The following CUBN variants were observed in gnomAD, a reference collection of about 807,000 sequenced individuals.
The protein encoded by CUBN is cubilin.
In CUBN, 282 loss-of-function variants were observed where a neutral mutation model predicts 405.3. The observed-to-expected ratio is 0.70, with a 90% CI of 0.63 to 0.77. CUBN has a LOEUF of 0.77. CUBN is among the 30% of genes least tolerant of loss of function. The pLI is 0.00. For synonymous variants in CUBN, 1,684 were observed against 1,617.0 expected, an observed-to-expected ratio of 1.04 and a Z score of -0.99; for missense variants, 4,514 against 4,475.2, an observed-to-expected ratio of 1.01 and a Z score of -0.25.
At chr10:17,080,349 G>C (rs930092654) in intron 17 of CUBN, among the ~76,000 whole-genome samples, 2 of 151,948 alleles carry the variant, frequency 1.3e-5, no homozygotes, top group Non-Finnish European at 2.9e-5. Flanking sequence ...GATGAATTAG[G>C]GTTCAACGCC....
rs1209668684 is a variant in CUBN at position 16,869,708 on chromosome 10, T to C, written c.9382A>G (p.Met3128Val). 2.5e-6 allele frequency: 4 copies of C among 1,613,920 alleles called. No individual in the cohort carries two copies. The highest frequency in any genetic ancestry group is 1.1e-5 in the South Asian group (1 of 91,080). ...GAATCTGTCTTGAACACCAGGAGCATACTATTATTGCTGCTCTTCACATTT... is the reference window on the plus strand; with the variant it reads ...GAATCTGTCTTGAACACCAGGAGCACACTATTATTGCTGCTCTTCACATTT... ...PPNVKSSNNS[M>V]LLVFKTDSFQ... Residue 3128 changes from methionine to valine, a missense_variant, in exon 59 of 67, where the codon ATG (methionine) becomes GTG (valine). Physicochemically the swap from Met to Val is conservative, Grantham distance 21. This residue lies in a region of CUBN where 1,186 missense variants were observed against 1,186.9 expected (regional missense o/e 1.00). Transcript: ENST00000377833.
At chr10:17,023,052 C>G (rs1346711510) in intron 27 of CUBN, among the ~76,000 whole-genome samples, 1 of 152,210 alleles carries the variant, frequency 6.6e-6, no homozygotes. Flanking sequence ...CCTGTCAGCT[C>G]TGCAAGATTA....
chr10:16,839,649 T>A (rs780618), intron 62 of CUBN, among the ~76,000 whole-genome samples: 4,682 of 63,398 alleles, frequency 0.074, 381 homozygotes, highest in Middle Eastern at 0.24. Flanking sequence ...ATTGTGGAAG[T>A]CAGTGTGGTG....
chr10:16,962,538 G>T (rs146781575), intron 31 of CUBN, among the ~76,000 whole-genome samples: 1 of 152,096 alleles, frequency 6.6e-6, no homozygotes, highest in African/African-American at 2.4e-5. Context: ...CCTCCCTGGC[G>T]TATGGGATAG....
At chr10:16,957,895 CA>C (rs61261595) in intron 31 of CUBN, among the ~76,000 whole-genome samples, 49,658 of 133,686 alleles carry the variant, frequency 0.37, 8,506 homozygotes, top group East Asian at 0.5. Context: ...ATAGACTTCT[CA>C]AAAAAAAAAA....
chr10:16,896,924 C>A (rs1436957996), intron 54 of CUBN, among the ~76,000 whole-genome samples: 1 of 152,170 alleles, frequency 6.6e-6, no homozygotes, highest in Non-Finnish European at 1.5e-5. Context: ...TGATTCTATT[C>A]TCTGTCATCT....
chr10:17,045,002 C>G lies in CUBN; in HGVS notation c.3672+5G>C. Reference sequence around the variant, plus strand: ...GGAACAATATGATGGAAACATTATACATACAGCCAGGTAATCTAAAGTGCA... The same window carrying G: ...GGAACAATATGATGGAAACATTATAGATACAGCCAGGTAATCTAAAGTGCA... On this transcript the variant is annotated splice_donor_5th_base_variant and intron_variant, in intron 25 of 66. Coordinates refer to ENST00000377833, the MANE Select transcript of CUBN (RefSeq NM_001081.4). 1 of 1,613,378 alleles carries G rather than the reference C, an allele frequency of 6.2e-7. No individual in the cohort carries two copies.
intron 28 of CUBN, among the ~76,000 whole-genome samples, chr10:17,013,065 A>G (rs1834227399): frequency 6.6e-6 from 1 of 152,238 alleles, no homozygotes; most frequent in Non-Finnish European, 1.5e-5. Flanking sequence ...TTGGAGTGTT[A>G]CAGAGTTACA....
intron 22 of CUBN, among the ~76,000 whole-genome samples, chr10:17,061,211 G>A (rs1484411601): frequency 6.6e-6 from 1 of 152,146 alleles, no homozygotes; most frequent in Non-Finnish European, 1.5e-5. Context: ...TTTCCATCAT[G>A]AGCAGTTACA....
At chr10:16,951,947 C>T (rs1842932307) in intron 33 of CUBN, among the ~76,000 whole-genome samples, 1 of 152,140 alleles carries the variant, frequency 6.6e-6, no homozygotes, top group South Asian at 2.1e-4. Flanking sequence ...TTGGTTTACC[C>T]CCAATCTCAT....
At chr10:16,905,677 G>A (rs1026813231) in intron 50 of CUBN, among the ~76,000 whole-genome samples, 7 of 152,122 alleles carry the variant, frequency 4.6e-5, no homozygotes, top group African/African-American at 1.4e-4. Context: ...ACAGTGATCC[G>A]CCTCACTCAC....
At chr10:16,864,456 C>T (rs1459555931) in intron 59 of CUBN, among the ~76,000 whole-genome samples, 1 of 152,054 alleles carries the variant, frequency 6.6e-6, no homozygotes, top group African/African-American at 2.4e-5. Context: ...TTCACTCTGA[C>T]AGCTAAGGTG....
At chr10:16,955,587 A>C (rs1843039055) in intron 31 of CUBN, among the ~76,000 whole-genome samples, 1 of 152,068 alleles carries the variant, frequency 6.6e-6, no homozygotes, top group Non-Finnish European at 1.5e-5. Flanking sequence ...TGTCTGGATG[A>C]ATTTTTGAAT....
chr10:16,898,086 A>ATG (rs1491021109), intron 54 of CUBN, among the ~76,000 whole-genome samples: 1 of 134,924 alleles, frequency 7.4e-6, no homozygotes, highest in African/African-American at 2.7e-5. Context: ...ATATATATAT[A>ATG]TGTTATACAC....
rs762943334 is a variant in CUBN, at chr10:16,851,351, A to C, written c.9547T>G (p.Leu3183Val). The change falls in exon 60 of 67, where the codon TTA becomes GTA. Residue 3183 changes from leucine to valine, a missense_variant. Coordinates refer to ENST00000377833, the MANE Select transcript of CUBN (RefSeq NM_001081.4). ...GCAATTATGATCCATACACAGTTTA[A>C]ATTCTTGTCATACATTCCATTCGAA... ...SDSNGMYDKN[L>V]NCVWIIIAPV... 1 of 1,614,154 alleles carries C rather than the reference A, an allele frequency of 6.2e-7. No homozygotes were observed. Among genetic ancestry groups the C allele is most frequent in the South Asian group, 1.1e-5 (1 of 91,088 alleles).
chr10:16,827,479 A>G (rs1347583943), intron 66 of CUBN, among the ~76,000 whole-genome samples: 2 of 152,266 alleles, frequency 1.3e-5, no homozygotes, highest in Non-Finnish European at 2.9e-5. Context: ...GTTATATTTT[A>G]AAAACCATCT....
intron 51 of CUBN, among the ~76,000 whole-genome samples, chr10:16,903,642 A>ATAATTATTATTAATAATTAT (rs1330995937): frequency 6.8e-6 from 1 of 147,752 alleles, no homozygotes; most frequent in African/African-American, 2.5e-5. Context: ...TTATTAAATA[A>ATAATTATTATTAATAATTAT]TAATTATTAT....
At position 17,100,042 on chromosome 10, in the gene CUBN, C is replaced by T; in HGVS notation, c.1728G>A (p.Gly576=). The change falls in exon 14 of 67, where the codon GGG becomes GGA. Residue 576 remains glycine, a synonymous_variant. Coordinates refer to ENST00000377833, the MANE Select transcript of CUBN (RefSeq NM_001081.4). The part of the protein sequence containing the change: ...FHLYSEHLRN[G]RGFTVRWETQ... ...TTTCCCATCTTACTGTAAAGCCTCT[C>T]CCATTTCTTAAATGTTCAGAATAGA... 6.2e-7 allele frequency: 1 copy of T among 1,613,828 alleles called. No individual in the cohort carries two copies. Among genetic ancestry groups the T allele is most frequent in the Non-Finnish European group, 8.5e-7 (1 of 1,179,802 alleles).
At chr10:16,844,068 G>A (rs920570123) in intron 60 of CUBN, among the ~76,000 whole-genome samples, 3 of 151,934 alleles carry the variant, frequency 2.0e-5, no homozygotes, top group Non-Finnish European at 4.4e-5. Context: ...TCAGGAGTTC[G>A]AGACCAGCCT....
Sources: allele counts gnomAD v4.1 joint callset (sites outside exome capture counted in the v4.1 genomes callset), GRCh38; gene constraint gnomAD v4.1.1; regional missense constraint gnomAD v4.1.1; transcripts MANE v1.5; gene names NCBI Gene and HGNC (gene_info 2026-07-23, HGNC 2026-07-21).